METAP1: variants seen among roughly 807,000 people sequenced by gnomAD.
METAP1 encodes methionine aminopeptidase 1.
Under a neutral mutation model 53.8 loss-of-function variants are expected in METAP1, and 28 were observed. The ratio of observed to expected loss-of-function variants is 0.52; its 90% CI spans 0.39 to 0.71. The LOEUF (loss-of-function observed/expected upper bound fraction) is 0.71, where lower values mean the gene tolerates loss of function less well. Ranked by LOEUF, METAP1 falls within the 30% of genes least tolerant of loss-of-function variation. The probability of loss-of-function intolerance (pLI) is 0.00; values close to 1 mark genes in which losing one functional copy is unlikely to be tolerated. For synonymous variants in METAP1, 181 were observed against 165.7 expected, an observed-to-expected ratio of 1.09 and a Z score of -0.71; for missense variants, 389 against 479.8, an observed-to-expected ratio of 0.81 and a Z score of 1.77.
At chr4:98,999,461 A>G (rs533861910) in intron 1 of METAP1, among the ~76,000 whole-genome samples, 8 of 145,480 alleles carry the variant, frequency 5.5e-5, no homozygotes, top group Non-Finnish European at 1.2e-4. Flanking sequence ...TTATTGTTAT[A>G]CTGTTTTATG....
At chr4:99,016,136 A>C (rs1723752669) in intron 1 of METAP1, among the ~76,000 whole-genome samples, 1 of 152,200 alleles carries the variant, frequency 6.6e-6, no homozygotes, top group Non-Finnish European at 1.5e-5. Flanking sequence ...TGCTTGTGCT[A>C]AAAGACCTTT....
chr4:99,053,313 G>A (rs1365013060), intron 9 of METAP1, among the ~76,000 whole-genome samples: 4 of 152,186 alleles, frequency 2.6e-5, no homozygotes, highest in African/African-American at 9.7e-5. Context: ...GCAGTGGCAC[G>A]ATCTCAGCTC....
In METAP1 at chr4:99,034,321, A is replaced by G. The variant is rs901555283; in HGVS notation, c.258A>G (p.Lys86=). ...GGGCAGGTTATCGATATACTGGTAA[A>G]CTCAGACCACATTATCCACTGGTGA... is the stretch of plus-strand genomic sequence containing the variant. ...DPWAGYRYTG[K]LRPHYPLMPT... is the part of the protein sequence containing the mutation. The change falls in exon 3 of 11, where the codon AAA becomes AAG. Residue 86 remains lysine, a synonymous_variant. Transcript: ENST00000296411. 2.0e-6 allele frequency: 3 copies of G among 1,536,062 alleles called. No homozygotes were observed. The highest frequency in any genetic ancestry group is 2.6e-6 in the Non-Finnish European group (3 of 1,132,986).
At chr4:99,046,195 C>G (rs1053159134) in intron 8 of METAP1, among the ~76,000 whole-genome samples, 1 of 152,120 alleles carries the variant, frequency 6.6e-6, no homozygotes, top group Non-Finnish European at 1.5e-5. Context: ...TGGCAGATCA[C>G]TTGAGGTCAA....
intron 1 of METAP1, among the ~76,000 whole-genome samples, chr4:99,008,115 C>T (rs533875379): frequency 2.0e-4 from 30 of 152,068 alleles, no homozygotes; most frequent in African/African-American, 3.6e-4. Flanking sequence ...GGCTTTGAAA[C>T]GCCTCATGAA....
At chr4:99,052,691 G>A (rs1011254773) in intron 9 of METAP1, among the ~76,000 whole-genome samples, 6 of 152,176 alleles carry the variant, frequency 3.9e-5, no homozygotes, top group East Asian at 1.9e-4. Context: ...TAAGATTTGG[G>A]TAGGAACACA....
chr4:99,026,223 C>T, intron 1 of METAP1: 1 of 985,036 alleles, frequency 1.0e-6, no homozygotes, highest in Non-Finnish European at 1.2e-6. Flanking sequence ...TTAGTAAATT[C>T]CTGTTGGTGC....
intron 10 of METAP1, among the ~76,000 whole-genome samples, chr4:99,058,177 G>C (rs981997314): frequency 6.6e-6 from 1 of 152,232 alleles, no homozygotes; most frequent in African/African-American, 2.4e-5. Context: ...GAGCATTGAC[G>C]AGCCACCCAG....
intron 9 of METAP1, among the ~76,000 whole-genome samples, chr4:99,056,627 A>G (rs900232014): frequency 1.3e-5 from 2 of 151,800 alleles, no homozygotes; most frequent in African/African-American, 4.8e-5. Context: ...GCTGGAGTGC[A>G]TGGCACAATC....
chr4:99,031,307 G>A (rs751610252), intron 2 of METAP1, among the ~76,000 whole-genome samples: 6 of 151,792 alleles, frequency 4.0e-5, no homozygotes, highest in Non-Finnish European at 8.8e-5. Context: ...CTGTATTATT[G>A]TACACTTTTT....
intron 1 of METAP1, among the ~76,000 whole-genome samples, chr4:99,001,823 C>T (rs1416838146): frequency 6.6e-6 from 1 of 152,132 alleles, no homozygotes; most frequent in East Asian, 1.9e-4. Flanking sequence ...TATCCTTTTC[C>T]AGAACAGTGG....
rs556434987 is a variant in METAP1 at position 99,053,108 on chromosome 4, C to T, written c.931+4232C>T. Among the ~76,000 whole-genome samples, 44 of 152,342 alleles carry T rather than the reference C, an allele frequency of 2.9e-4. No homozygotes were observed. The South Asian group carries it at 8.9e-3, about 31-fold the overall frequency. The stretch of plus-strand genomic sequence containing the variant: ...TTTCCACCACATCTGCAGTTACTTG[C>T]TCCACTAAGTTTCAAACTCCTCATA... On this transcript the variant is annotated intron_variant, in intron 9 of 10. Transcript: ENST00000296411.
In METAP1 at chr4:99,028,290, T is replaced by G. The variant is rs558401644; in HGVS notation, c.115-577T>G. 2.0e-5 allele frequency among the ~76,000 whole-genome samples: 3 copies of G among 152,312 alleles called. No individual in the cohort carries two copies. In the South Asian group the frequency reaches 6.2e-4, roughly 32 times the overall value. Reference sequence around the variant, plus strand: ...ACATATTTTCCTAAATGAAAAGTCTTTCTAGTTACTCATTAATTCTGATCA... The same window carrying G: ...ACATATTTTCCTAAATGAAAAGTCTGTCTAGTTACTCATTAATTCTGATCA... On this transcript the variant is annotated intron_variant, in intron 1 of 10. Coordinates refer to ENST00000296411, the MANE Select transcript of METAP1 (RefSeq NM_015143.3).
In METAP1 at chr4:99,061,494, A is replaced by T. The variant is rs1727544729; in HGVS notation, c.*177A>T. 4.0e-6 allele frequency: 2 copies of T among 502,094 alleles called. No homozygotes were observed. Among genetic ancestry groups the T allele is most frequent in the Non-Finnish European group, 6.7e-6 (2 of 299,628 alleles). 31.1% of individuals were successfully genotyped at this position (502,094 alleles called of 1,614,324 possible). ...ACTTGTCTTGGGTCTGAAAAAGCTG[A>T]GAAGAATAAAGGAAACATTGCTCAA... is the stretch of plus-strand genomic sequence containing the variant. On this transcript the variant is annotated 3_prime_UTR_variant, in exon 11 of 11. Transcript: ENST00000296411.
intron 1 of METAP1, chr4:99,022,727 CT>C: frequency 6.4e-7 from 1 of 1,554,952 alleles, no homozygotes; most frequent in African/African-American, 1.4e-5. Context: ...ATGGGAGGGG[CT>C]GCACCTGTGG....
chr4:99,009,692 T>C (rs559884764), intron 1 of METAP1, among the ~76,000 whole-genome samples: 4 of 152,324 alleles, frequency 2.6e-5, no homozygotes, highest in African/African-American at 9.6e-5. Flanking sequence ...TGCTTAAGTC[T>C]TTTGCCCATT....
chr4:99,025,086 GTAA>G (rs1724464903), intron 1 of METAP1, among the ~76,000 whole-genome samples: 1 of 152,238 alleles, frequency 6.6e-6, no homozygotes, highest in Admixed American at 6.5e-5. Flanking sequence ...CGGTAATGCG[GTAA>G]TAATGCCAGC....
At chr4:99,000,907 G>A (rs1295372654) in intron 1 of METAP1, among the ~76,000 whole-genome samples, 6 of 151,984 alleles carry the variant, frequency 3.9e-5, no homozygotes, top group Non-Finnish European at 5.9e-5. Flanking sequence ...GTTTCACCGT[G>A]TTGCCCAGGC....
intron 1 of METAP1, chr4:99,005,771 A>G (rs1723148016): frequency 4.6e-6 from 2 of 433,516 alleles, no homozygotes; most frequent in African/African-American, 2.0e-5. Flanking sequence ...TTTTGCAGCA[A>G]CGTGGAAGGA....
Sources: gnomAD v4.1 joint callset for allele counts (sites outside exome capture counted in the v4.1 genomes callset) on GRCh38, gnomAD v4.1.1 for gene constraint, MANE v1.5 for transcripts, NCBI Gene and HGNC (gene_info 2026-07-23, HGNC 2026-07-21) for gene names.